The following TXNDC15 variants were observed in gnomAD, a reference collection of about 807,000 sequenced individuals.
TXNDC15 encodes the protein thioredoxin domain-containing protein 15.
A neutral mutation model predicts 35.0 loss-of-function variants in TXNDC15; 24 were observed. That is an observed-to-expected ratio of 0.68 (90% confidence interval 0.50 to 0.96). The LOEUF is 0.96. Ranked by LOEUF, TXNDC15 falls within the 40% of genes least tolerant of loss-of-function variation. TXNDC15 has a pLI of 0.00. For missense variants in TXNDC15, 385 were observed against 453.3 expected (o/e 0.85, Z 1.37); for synonymous variants, 169 against 174.0 (o/e 0.97, Z 0.23).
intron 1 of TXNDC15, among the ~76,000 whole-genome samples, chr5:134,885,725 C>T (rs752872902): frequency 2.6e-5 from 4 of 152,202 alleles, no homozygotes; most frequent in Admixed American, 6.5e-5. Flanking sequence ...ACAGTGGGAA[C>T]GCCATCAAGG....
intron 1 of TXNDC15, chr5:134,875,270 A>T (rs1295557456): frequency 4.4e-6 from 2 of 456,116 alleles, no homozygotes; most frequent in African/African-American, 4.0e-5. Flanking sequence ...CCCACTCCTC[A>T]TAGTCCTGTT....
upstream of TXNDC15, chr5:134,874,348 C>G: frequency 7.8e-7 from 1 of 1,279,848 alleles, no homozygotes; most frequent in South Asian, 1.5e-5. Context: ...CCCGCGCTCC[C>G]AGGCTCTCCT....
chr5:134,899,346 C>G, intron 4 of TXNDC15, 143 bp from the exon 5 acceptor site: 1 of 666,172 alleles, frequency 1.5e-6, no homozygotes, highest in Non-Finnish European at 2.5e-6. Flanking sequence ...CAAGTGAAAT[C>G]CATCCCATAT....
chr5:134,887,627 A>G, intron 1 of TXNDC15, 68 bp from the exon 2 acceptor site: 3 of 1,508,930 alleles, frequency 2.0e-6, no homozygotes, highest in Non-Finnish European at 2.7e-6. Flanking sequence ...TTAGAGGGGA[A>G]CTGTAATTCT....
chr5:134,890,524 C>T (rs1750369434), intron 2 of TXNDC15, among the ~76,000 whole-genome samples: 1 of 152,106 alleles, frequency 6.6e-6, no homozygotes, highest in African/African-American at 2.4e-5. Flanking sequence ...TCTCCCACTG[C>T]AGCCTCTCGC....
At chr5:134,896,908 G>A (rs1750501141) in intron 4 of TXNDC15, among the ~76,000 whole-genome samples, 1 of 151,770 alleles carries the variant, frequency 6.6e-6, no homozygotes, top group African/African-American at 2.4e-5. Context: ...CTCCCAAAGT[G>A]CTGGGATTAC....
Position 134,893,497 on chromosome 5 carries a change from T to G in TXNDC15, c.597T>G (p.Leu199=). ...TLKILNMSQD[L]MDFLNPNGSD... is the part of the protein sequence containing the mutation. The stretch of plus-strand genomic sequence containing the variant: ...GCTTGTTTCTTTTACCACAGGACCT[T>G]ATGGATTTTCTGAACCCAAACGGTA... Residue 199 remains leucine, a synonymous_variant, in exon 3 of 5, where the codon CTT becomes CTG. Coordinates refer to ENST00000358387, the MANE Select transcript of TXNDC15 (RefSeq NM_024715.4). The G allele has an allele frequency of 6.2e-7, 1 of 1,614,210 alleles. No individual in the cohort carries two copies. Among genetic ancestry groups the G allele is most frequent in the Non-Finnish European group, 8.5e-7 (1 of 1,180,034 alleles).
chr5:134,886,785 G>A (rs1561899003), intron 1 of TXNDC15, among the ~76,000 whole-genome samples: 2 of 152,204 alleles, frequency 1.3e-5, no homozygotes, highest in South Asian at 2.1e-4. Flanking sequence ...GGGAGCCTAC[G>A]GCTCGTTCTG....
chr5:134,896,057 T>G (rs1370881424), intron 3 of TXNDC15: 1 of 371,068 alleles, frequency 2.7e-6, no homozygotes, highest in East Asian at 6.1e-5. Context: ...GTGCCATTGG[T>G]AGATCCATAT....
At chr5:134,882,723 G>C (rs1013230068) in intron 1 of TXNDC15, among the ~76,000 whole-genome samples, 2 of 152,056 alleles carry the variant, frequency 1.3e-5, no homozygotes, top group Non-Finnish European at 2.9e-5. Flanking sequence ...GCCTGCAATC[G>C]CAGGCACTCG....
At chr5:134,889,189 G>A (rs951890847) in intron 2 of TXNDC15, among the ~76,000 whole-genome samples, 7 of 152,188 alleles carry the variant, frequency 4.6e-5, no homozygotes, top group African/African-American at 1.7e-4. Context: ...TAAACAGTCT[G>A]AGTTATGGAT....
At chr5:134,896,745 G>A (rs989923857) in intron 4 of TXNDC15, among the ~76,000 whole-genome samples, 10 of 148,464 alleles carry the variant, frequency 6.7e-5, no homozygotes, top group Non-Finnish European at 1.2e-4. Flanking sequence ...CCGGGTTCAC[G>A]CCATTCTCCT....
At chr5:134,895,857 T>C (rs1043351354) in intron 3 of TXNDC15, among the ~76,000 whole-genome samples, 2 of 152,230 alleles carry the variant, frequency 1.3e-5, no homozygotes, top group African/African-American at 4.8e-5. Flanking sequence ...TGTTAGATCA[T>C]ATACTCCCTT....
chr5:134,876,238 T>G (rs903761932), intron 1 of TXNDC15, among the ~76,000 whole-genome samples: 2 of 152,188 alleles, frequency 1.3e-5, no homozygotes, highest in African/African-American at 2.4e-5. Flanking sequence ...GGCTGTCCTG[T>G]GTGGAATAAA....
chr5:134,881,813 G>A (rs1750152660), intron 1 of TXNDC15, among the ~76,000 whole-genome samples: 1 of 150,406 alleles, frequency 6.6e-6, no homozygotes, highest in Non-Finnish European at 1.5e-5. Flanking sequence ...GGCCGGGCGG[G>A]GGGCTGACGC....
intron 1 of TXNDC15, chr5:134,875,504 T>C (rs1750016531): frequency 2.4e-6 from 1 of 425,172 alleles, no homozygotes; most frequent in African/African-American, 2.1e-5. Context: ...TGTTTTGTTT[T>C]TGTTTTTTTA....
At chr5:134,896,734 C>T (rs2150190901) in intron 4 of TXNDC15, among the ~76,000 whole-genome samples, 1 of 150,524 alleles carries the variant, frequency 6.6e-6, no homozygotes, top group South Asian at 2.1e-4. Context: ...ACCTCCACCT[C>T]CCGGGTTCAC....
chr5:134,897,915 A>T (rs1015980032), intron 4 of TXNDC15, among the ~76,000 whole-genome samples: 1 of 152,138 alleles, frequency 6.6e-6, no homozygotes, highest in East Asian at 1.9e-4. Flanking sequence ...AGGCTGAGGC[A>T]TGAAAATTGC....
intron 1 of TXNDC15, among the ~76,000 whole-genome samples, chr5:134,877,074 G>A (rs777804286): frequency 1.3e-5 from 2 of 152,106 alleles, no homozygotes; most frequent in Non-Finnish European, 2.9e-5. Context: ...GTCCCAGGGC[G>A]TTTTTGGGAA....
Sources: allele counts gnomAD v4.1 joint callset (sites outside exome capture counted in the v4.1 genomes callset), GRCh38; gene constraint gnomAD v4.1.1; transcripts MANE v1.5; gene names NCBI Gene and HGNC (gene_info 2026-07-23, HGNC 2026-07-21).